CYLD: variants seen among roughly 807,000 people sequenced by gnomAD.
The protein encoded by CYLD is CYLD lysine 63 deubiquitinase.
Under a neutral mutation model 104.5 loss-of-function variants are expected in CYLD, and 26 were observed. That is an observed-to-expected ratio of 0.25 (90% CI 0.18 to 0.35). The LOEUF is 0.35. Ranked by LOEUF, CYLD falls within the 10% of genes least tolerant of loss-of-function variation. CYLD has a pLI of 1.00. For synonymous variants in CYLD, 385 were observed against 399.9 expected (o/e 0.96, Z 0.45); for missense variants, 703 against 1,136.1 (o/e 0.62, Z 5.48).
chr16:50,768,300 A>G (rs1968739425), intron 5 of CYLD, among the ~76,000 whole-genome samples: 1 of 152,184 alleles, frequency 6.6e-6, no homozygotes, highest in South Asian at 2.1e-4. Flanking sequence ...GTTTACTTAA[A>G]TGAGTCTTCA....
At chr16:50,757,941 A>C (rs1297182304) in intron 5 of CYLD, among the ~76,000 whole-genome samples, 1 of 152,242 alleles carries the variant, frequency 6.6e-6, no homozygotes, top group Non-Finnish European at 1.5e-5. Flanking sequence ...GTTTAATAAA[A>C]GGCCATTCCT....
chr16:50,801,075 C>T lies in CYLD; in HGVS notation c.*4567C>T, dbSNP rs113748745. The T allele has an allele frequency of 2.2e-3, 524 of 233,418 alleles. 2 individuals carry two copies. The highest frequency in any genetic ancestry group is 0.011 in the African/African-American group (479 of 45,430). The allele number at this position is 233,418 out of a possible 1,614,324, so 14.5% of individuals were successfully genotyped here. On this transcript the variant is annotated 3_prime_UTR_variant, in exon 19 of 19. Transcript: ENST00000427738. ...GGCTTCCTGCAGGGTGTTCGCATTG[C>T]CCTTCTCCGTTCCCCTTCAGACCTT...
chr16:50,772,719 A>C (rs1969285262), intron 5 of CYLD, among the ~76,000 whole-genome samples: 1 of 149,022 alleles, frequency 6.7e-6, no homozygotes, highest in Non-Finnish European at 1.5e-5. Flanking sequence ...TCCTAGGAGT[A>C]GAATTGCTAT....
rs1597088882 is a variant in CYLD, at chr16:50,792,760, A to G, written c.2350+55A>G. Reference sequence around the variant, plus strand: ...GTTGGTTTTGTGGAAATTGTCAGATAATTCTCATCAGTTGTGGGTTAGACT... The same window carrying G: ...GTTGGTTTTGTGGAAATTGTCAGATGATTCTCATCAGTTGTGGGTTAGACT... On this transcript the variant is annotated intron_variant, in intron 16 of 18. Transcript: ENST00000427738. The G allele has an allele frequency of 3.1e-6, 3 of 953,202 alleles. No individual in the cohort carries two copies. In the East Asian group the frequency reaches 7.9e-5, roughly 25 times the overall value. 59.0% of individuals were successfully genotyped at this position (953,202 alleles called of 1,614,324 possible). A position where few individuals can be genotyped will look rare whatever the true frequency, so the allele number is the denominator to read the frequency against.
At chr16:50,795,663 C>G in intron 18 of CYLD, 1 of 701,334 alleles carries the variant, frequency 1.4e-6, no homozygotes, top group South Asian at 1.5e-5. Flanking sequence ...GAGTTCTCCA[C>G]CTTTTCTCAG....
intron 15 of CYLD, among the ~76,000 whole-genome samples, chr16:50,792,322 C>T (rs1021587705): frequency 3.9e-5 from 6 of 152,070 alleles, no homozygotes; most frequent in African/African-American, 1.4e-4. Context: ...TAAATATAAA[C>T]CCAAATAAAA....
In CYLD at chr16:50,796,690, G is replaced by T. The variant is rs1162519984; in HGVS notation, c.*182G>T. 6 of 642,536 alleles carry T rather than the reference G, an allele frequency of 9.3e-6. No individual in the cohort carries two copies. Among genetic ancestry groups the T allele is most frequent in the Non-Finnish European group, 1.4e-5 (5 of 360,738 alleles). 39.8% of individuals were successfully genotyped at this position (642,536 alleles called of 1,614,324 possible). A position where few individuals can be genotyped will look rare whatever the true frequency, so the allele number is the denominator to read the frequency against. ...TTTGTGTCCCTGAAGTATTTAATAA[G>T]AAGCATTTTGCACTCTAGAAAGTAT... is the stretch of plus-strand genomic sequence containing the variant. On this transcript the variant is annotated 3_prime_UTR_variant, in exon 19 of 19. Transcript: ENST00000427738.
At position 50,779,804 on chromosome 16, in the gene CYLD, G is replaced by T; in HGVS notation, c.1278G>T (p.Met426Ile). The T allele has an allele frequency of 6.2e-7, 1 of 1,612,638 alleles. No individual in the cohort carries two copies. The highest frequency in any genetic ancestry group is 8.5e-7 in the Non-Finnish European group (1 of 1,179,800). ...CTTTACCATTCAGTCTCACCAAGATGCCCAATACCAATGGAAGTATTGGCC... is the reference window on the plus strand; with the variant it reads ...CTTTACCATTCAGTCTCACCAAGATTCCCAATACCAATGGAAGTATTGGCC... ...FHSLPFSLTK[M>I]PNTNGSIGHS... The change falls in exon 9 of 19, where the codon ATG becomes ATT. Residue 426 changes from methionine to isoleucine, a missense_variant. By Grantham distance (10) the Met-to-Ile change is conservative. Transcript: ENST00000427738.
At position 50,799,549 on chromosome 16, in the gene CYLD, TA is replaced by T. The variant is rs966721102; in HGVS notation, c.*3046del. 2 of 233,656 alleles carry T rather than the reference TA, an allele frequency of 8.6e-6. No individual in the cohort carries two copies. The highest frequency in any genetic ancestry group is 4.4e-5 in the African/African-American group (2 of 45,360). The allele number at this position is 233,656 out of a possible 1,614,324, so 14.5% of individuals were successfully genotyped here. A position where few individuals can be genotyped will look rare whatever the true frequency, so the allele number is the denominator to read the frequency against. On this transcript the variant is annotated 3_prime_UTR_variant, in exon 19 of 19. Transcript: ENST00000427738. Reference sequence around the variant, plus strand: ...TCTCCTTAGAATAATTTAGGATTTTTAAAAATTTCTGTTTGCCAAATGCTGT... The same window carrying T: ...TCTCCTTAGAATAATTTAGGATTTTTAAAATTTCTGTTTGCCAAATGCTGT...
chr16:50,769,958 C>G (rs1968965622), intron 5 of CYLD, among the ~76,000 whole-genome samples: 1 of 152,080 alleles, frequency 6.6e-6, no homozygotes, highest in African/African-American at 2.4e-5. Flanking sequence ...GGAGATTTAT[C>G]TACATTATTT....
chr16:50,784,081 T>G, intron 11 of CYLD: 2 of 436,178 alleles, frequency 4.6e-6, no homozygotes, highest in South Asian at 4.3e-5. Context: ...CCTTTAACAC[T>G]GCCAATCTGC....
At chr16:50,755,854 C>G (rs1237608050) in intron 5 of CYLD, among the ~76,000 whole-genome samples, 1 of 151,948 alleles carries the variant, frequency 6.6e-6, no homozygotes, top group Non-Finnish European at 1.5e-5. Flanking sequence ...TGTGTAGAAG[C>G]CTTTTAGTTT....
chr16:50,785,401 A>G (rs1313990888), intron 12 of CYLD: 1 of 152,142 alleles, frequency 6.6e-6, no homozygotes, highest in East Asian at 1.9e-4. Flanking sequence ...AAGAGAATAA[A>G]TTTCCTCACT....
intron 5 of CYLD, among the ~76,000 whole-genome samples, chr16:50,759,720 C>T (rs60395008): frequency 0.085 from 12,921 of 152,136 alleles, 715 homozygotes; most frequent in South Asian, 0.24. Context: ...AGGTTGTTTC[C>T]ACCTCCTTTT....
At position 50,797,808 on chromosome 16, in the gene CYLD, AC is replaced by A. The variant is rs1432389253; in HGVS notation, c.*1303del. The A allele has an allele frequency of 8.6e-5, 20 of 232,630 alleles. No individual in the cohort carries two copies. The East Asian group carries it at 1.2e-3, about 13-fold the overall frequency. 14.4% of individuals were successfully genotyped at this position (232,630 alleles called of 1,614,324 possible). A position where few individuals can be genotyped will look rare whatever the true frequency, so the allele number is the denominator to read the frequency against. ...CAAAAAGTGGAAAGAATCTTTACAA[AC>A]CCTGCAATTACTTTTTTAAAGGCAC... On this transcript the variant is annotated 3_prime_UTR_variant, in exon 19 of 19. Coordinates refer to ENST00000427738, the MANE Select transcript of CYLD (RefSeq NM_001378743.1).
intron 15 of CYLD, 145 bp from the exon 16 acceptor site, chr16:50,792,452 C>T (rs930825501): frequency 3.2e-6 from 2 of 625,632 alleles, no homozygotes; most frequent in Non-Finnish European, 5.8e-6. Context: ...CTGTCCACAG[C>T]CCATGGTCAC....
At position 50,797,804 on chromosome 16, in the gene CYLD, A is replaced by G. The variant is rs1972169845; in HGVS notation, c.*1296A>G. On this transcript the variant is annotated 3_prime_UTR_variant, in exon 19 of 19. Transcript: ENST00000427738. ...GTGACAAAAAGTGGAAAGAATCTTT[A>G]CAAACCCTGCAATTACTTTTTTAAA... 1 of 232,654 alleles carries G rather than the reference A, an allele frequency of 4.3e-6. No homozygotes were observed. Among genetic ancestry groups the G allele is most frequent in the Non-Finnish European group, 8.5e-6 (1 of 117,752 alleles). 14.4% of individuals were successfully genotyped at this position (232,654 alleles called of 1,614,324 possible).
At chr16:50,761,863 T>C (rs1967980487) in intron 5 of CYLD, among the ~76,000 whole-genome samples, 1 of 152,222 alleles carries the variant, frequency 6.6e-6, no homozygotes, top group African/African-American at 2.4e-5. Flanking sequence ...AGGTAGAAGA[T>C]ACCCTGTTGT....
At chr16:50,785,108 T>C (rs1346577900) in intron 12 of CYLD, 4 of 152,282 alleles carry the variant, frequency 2.6e-5, no homozygotes, top group Non-Finnish European at 5.9e-5. Context: ...TTTGAATAAG[T>C]GGTAGTAGTG....
Sources: allele counts gnomAD v4.1 joint callset (sites outside exome capture counted in the v4.1 genomes callset), GRCh38; gene constraint gnomAD v4.1.1; transcripts MANE v1.5; gene names NCBI Gene and HGNC (gene_info 2026-07-23, HGNC 2026-07-21).